PIGN: variants seen among roughly 807,000 people sequenced by gnomAD.
PIGN encodes the protein GPI ethanolamine phosphate transferase 1.
Under a neutral mutation model 125.4 loss-of-function variants are expected in PIGN, and 117 were observed. That is an observed-to-expected ratio of 0.93 (90% CI 0.80 to 1.09). The LOEUF (loss-of-function observed/expected upper bound fraction) is 1.09, where lower values mean the gene tolerates loss of function less well. PIGN is among the 50% of genes least tolerant of loss of function. PIGN has a pLI of 0.00. For synonymous variants in PIGN, 392 were observed against 377.8 expected, an observed-to-expected ratio of 1.04 and a Z score of -0.44; for missense variants, 1,075 against 1,094.9, an observed-to-expected ratio of 0.98 and a Z score of 0.26.
chr18:62,038,317 T>TG (rs1391233217), downstream of PIGN, among the ~76,000 whole-genome samples: 1 of 150,184 alleles, frequency 6.7e-6, no homozygotes, highest in African/African-American at 2.5e-5. Context: ...TGTTTTTTTT[T>TG]TTTTTTTTTT....
chr18:62,102,271 T>C (rs1465862969), intron 21 of PIGN, among the ~76,000 whole-genome samples: 1 of 145,912 alleles, frequency 6.9e-6, no homozygotes, highest in East Asian at 2.0e-4. Flanking sequence ...CAAACTGAAA[T>C]CAAATTACTA....
At chr18:62,146,929 T>C (rs1387693442) in intron 9 of PIGN, 42 bp downstream of exon 9, 2 of 1,583,310 alleles carry the variant, frequency 1.3e-6, no homozygotes, top group South Asian at 1.1e-5. Context: ...CATTTATCAC[T>C]ACTTTAATTG....
At chr18:62,054,706 G>T (rs1325379872) in intron 30 of PIGN, among the ~76,000 whole-genome samples, 1 of 151,818 alleles carries the variant, frequency 6.6e-6, no homozygotes, top group African/African-American at 2.4e-5. Flanking sequence ...TACCCAGGCT[G>T]GTCTTGAACT....
At chr18:62,108,576 A>G (rs1185305491) in intron 17 of PIGN, among the ~76,000 whole-genome samples, 1 of 146,592 alleles carries the variant, frequency 6.8e-6, no homozygotes, top group Non-Finnish European at 1.5e-5. Context: ...ATTAATATTA[A>G]TTTTTGATAT....
intron 14 of PIGN, among the ~76,000 whole-genome samples, chr18:62,134,015 C>A (rs1362264862): frequency 6.6e-6 from 1 of 152,100 alleles, no homozygotes; most frequent in Non-Finnish European, 1.5e-5. Context: ...TTGTTGACCC[C>A]TTGTTGTCTC....
At position 62,017,974 on chromosome 18, in the gene PIGN, G is replaced by A. The variant is rs146674998; in HGVS notation, c.2143-233C>T. 3.7e-4 allele frequency among the ~76,000 whole-genome samples: 57 copies of A among 152,304 alleles called. No individual in the cohort carries two copies. In the East Asian group the frequency reaches 4.2e-3, roughly 11 times the overall value. The stretch of plus-strand genomic sequence containing the variant: ...AGACAGGGACAATGAATTTGAGTTG[G>A]CAACGAACAGTGTGCACCACAAAAG... On this transcript the variant is annotated intron_variant, in intron 23 of 24. Transcript: ENST00000639600.
intron 11 of PIGN, 38 bp from the exon 12 acceptor site, chr18:62,140,517 A>G: frequency 2.8e-6 from 3 of 1,055,232 alleles, no homozygotes; most frequent in Non-Finnish European, 4.2e-6. Context: ...AAGTCTATGG[A>G]CATCAACAAA....
downstream of PIGN, among the ~76,000 whole-genome samples, chr18:62,036,895 A>G (rs552723631): frequency 3.9e-5 from 6 of 152,218 alleles, no homozygotes; most frequent in Non-Finnish European, 8.8e-5. Flanking sequence ...GTGCAGAGGA[A>G]GCACTCAGTA....
intron 10 of PIGN, among the ~76,000 whole-genome samples, chr18:62,144,853 C>T (rs560770567): frequency 1.3e-4 from 20 of 152,192 alleles, no homozygotes; most frequent in African/African-American, 3.9e-4. Flanking sequence ...GTGGTTCCAG[C>T]GACTTGGGAG....
rs2037387660 is a variant in PIGN, at chr18:62,172,871, T to A, written c.-235-9215A>T. The stretch of plus-strand genomic sequence containing the variant: ...AGAGTGGATTCTAGTAAAGCCACTG[T>A]TACTGTTTCCTTATCCATAAAAAAA... On this transcript the variant is annotated intron_variant, in intron 1 of 30. Coordinates refer to ENST00000640252, the MANE Select transcript of PIGN (RefSeq NM_176787.5). Among the ~76,000 whole-genome samples the A allele has an allele frequency of 1.3e-5, 2 of 152,182 alleles. 1 individual carries two copies. Among genetic ancestry groups the A allele is most frequent in the South Asian group, 4.1e-4 (2 of 4,824 alleles).
At chr18:62,182,907 GAA>G (rs920434171) in intron 1 of PIGN, among the ~76,000 whole-genome samples, 1 of 152,174 alleles carries the variant, frequency 6.6e-6, no homozygotes, top group African/African-American at 2.4e-5. Flanking sequence ...CACTGAATTA[GAA>G]GCAGAATGGT....
chr18:62,123,512 A>T (rs561698558), intron 14 of PIGN: 12 of 152,304 alleles, frequency 7.9e-5, no homozygotes, highest in African/African-American at 2.6e-4. Flanking sequence ...ATTACCATTT[A>T]TTCCATAGAC....
intron 30 of PIGN, among the ~76,000 whole-genome samples, chr18:62,053,736 C>T (rs1348604451): frequency 6.6e-6 from 1 of 152,136 alleles, no homozygotes; most frequent in Non-Finnish European, 1.5e-5. Context: ...CAGAACTCAA[C>T]ACTATCAAAC....
In PIGN at chr18:62,150,003, G is replaced by T. The variant is rs1599636921; in HGVS notation, c.550-1665C>A. Among the ~76,000 whole-genome samples, 3 of 152,214 alleles carry T rather than the reference G, an allele frequency of 2.0e-5. No individual in the cohort carries two copies. The South Asian group carries it at 6.2e-4, about 32-fold the overall frequency. ...ATAAGAGTTTGTTGCTGTTGTTGTTGTTGAGACAGTCTCTATCGCCCAGGC... is the reference window on the plus strand; with the variant it reads ...ATAAGAGTTTGTTGCTGTTGTTGTTTTTGAGACAGTCTCTATCGCCCAGGC... On this transcript the variant is annotated intron_variant, in intron 7 of 30. Coordinates refer to ENST00000640252, the MANE Select transcript of PIGN (RefSeq NM_176787.5).
intron 14 of PIGN, among the ~76,000 whole-genome samples, chr18:62,121,635 C>T (rs540173373): frequency 1.3e-5 from 2 of 152,026 alleles, no homozygotes; most frequent in South Asian, 2.1e-4. Context: ...CTTTCCGTGT[C>T]GCTCTTATTT....
chr18:62,034,115 C>T (rs1331582622), intron 23 of PIGN, among the ~76,000 whole-genome samples: 1 of 152,180 alleles, frequency 6.6e-6, no homozygotes, highest in African/African-American at 2.4e-5. Context: ...TCCCTTATAA[C>T]CTGGTAAAGT....
At chr18:62,026,546 G>A (rs573520895) in intron 23 of PIGN, among the ~76,000 whole-genome samples, 13 of 152,128 alleles carry the variant, frequency 8.5e-5, no homozygotes, top group Non-Finnish European at 1.8e-4. Flanking sequence ...CAGCCTACAG[G>A]CCTCTCTGAA....
chr18:62,053,039 A>G (rs191475422), intron 30 of PIGN: 11 of 329,160 alleles, frequency 3.3e-5, no homozygotes, highest in Middle Eastern at 1.7e-3. Flanking sequence ...ATCTGGGTAA[A>G]GACAATAAGT....
chr18:62,130,931 G>T (rs1942439), intron 14 of PIGN, among the ~76,000 whole-genome samples: 2 of 151,986 alleles, frequency 1.3e-5, no homozygotes, highest in African/African-American at 4.8e-5. Flanking sequence ...ATATAGAATC[G>T]TATCACCCTT....
Sources: allele counts gnomAD v4.1 joint callset (sites outside exome capture counted in the v4.1 genomes callset), GRCh38; gene constraint gnomAD v4.1.1; transcripts MANE v1.5; gene names NCBI Gene and HGNC (gene_info 2026-07-23, HGNC 2026-07-21).